ADCY2: variants seen among roughly 807,000 people sequenced by gnomAD.
The protein encoded by ADCY2 is adenylate cyclase type 2.
A neutral mutation model predicts 125.2 loss-of-function variants in ADCY2; 31 were observed. That is an observed-to-expected ratio of 0.25 (90% confidence interval 0.19 to 0.33). The LOEUF is 0.33. Ranked by LOEUF, ADCY2 falls within the 10% of genes least tolerant of loss-of-function variation. The probability of loss-of-function intolerance (pLI) is 1.00; values close to 1 mark genes in which losing one functional copy is unlikely to be tolerated. For missense variants in ADCY2, 904 were observed against 1,418.2 expected, an observed-to-expected ratio of 0.64 and a Z score of 5.82; for synonymous variants, 512 against 548.4, an observed-to-expected ratio of 0.93 and a Z score of 0.93.
At chr5:7,409,446 G>T (rs1739630951) in intron 1 of ADCY2, among the ~76,000 whole-genome samples, 1 of 152,178 alleles carries the variant, frequency 6.6e-6, no homozygotes, top group Admixed American at 6.5e-5. Context: ...AGGTTATTCA[G>T]AATTGTGCTT....
intron 2 of ADCY2, among the ~76,000 whole-genome samples, chr5:7,423,143 G>A (rs1016846795): frequency 1.3e-5 from 2 of 152,202 alleles, no homozygotes; most frequent in Admixed American, 1.3e-4. Flanking sequence ...AGGAGGATAT[G>A]TTTTTGTTGT....
chr5:7,731,866 G>T (rs1356054149), intron 14 of ADCY2, among the ~76,000 whole-genome samples: 2 of 152,198 alleles, frequency 1.3e-5, no homozygotes, highest in East Asian at 3.9e-4. Flanking sequence ...GCCTCCCAAA[G>T]TGTTGGGATT....
intron 12 of ADCY2, among the ~76,000 whole-genome samples, chr5:7,718,779 C>A (rs555102686): frequency 4.6e-5 from 7 of 152,192 alleles, no homozygotes; most frequent in Admixed American, 2.6e-4. Context: ...AACCTCACCT[C>A]TGCCTCAAAC....
intron 14 of ADCY2, among the ~76,000 whole-genome samples, chr5:7,740,079 C>A: frequency 6.7e-6 from 1 of 149,524 alleles, no homozygotes. Flanking sequence ...AAGATTGGGG[C>A]TACAAACCAA....
At chr5:7,596,153 T>C (rs1268073457) in intron 3 of ADCY2, among the ~76,000 whole-genome samples, 2 of 152,166 alleles carry the variant, frequency 1.3e-5, no homozygotes, top group Admixed American at 6.5e-5. Flanking sequence ...TCATAGTTCC[T>C]CTTGCAGGTA....
chr5:7,784,221 A>G, intron 18 of ADCY2, 144 bp from the exon 19 acceptor site: 1 of 610,612 alleles, frequency 1.6e-6, no homozygotes, highest in Non-Finnish European at 2.9e-6. Context: ...TGGGTTTGGA[A>G]GGAGATTTGA....
rs1428783633 is a variant in ADCY2, at chr5:7,784,414, A to G, written c.2434A>G (p.Ile812Val). The change falls in exon 19 of 25, where the codon ATA becomes GTA. Residue 812 changes from isoleucine to valine, a missense_variant. By Grantham distance (29) the Ile-to-Val change is conservative. Transcript: ENST00000338316. ...LKTMGSVSLS[I>V]FFITLLVLGR... ...GACCATGGGCTCTGTGTCTCTCTCT[A>G]TATTCTTCATCACACTGCTTGTTCT... is the stretch of plus-strand genomic sequence containing the variant. The G allele has an allele frequency of 6.2e-7, 1 of 1,613,830 alleles. No individual in the cohort carries two copies. Among genetic ancestry groups the G allele is most frequent in the African/African-American group, 1.3e-5 (1 of 74,906 alleles).
intron 4 of ADCY2, among the ~76,000 whole-genome samples, chr5:7,641,643 A>G (rs1561140435): frequency 1.3e-5 from 2 of 152,188 alleles, no homozygotes; most frequent in Middle Eastern, 3.4e-3. Flanking sequence ...ATAGCACACA[A>G]CAGTTTTTCA....
At chr5:7,653,606 T>TAA (rs1201964121) in intron 4 of ADCY2, among the ~76,000 whole-genome samples, 2 of 140,834 alleles carry the variant, frequency 1.4e-5, no homozygotes, top group Admixed American at 7.1e-5. Context: ...GACTCTGTCT[T>TAA]AAAAAAAAAA....
At chr5:7,541,972 T>C (rs1735011091) in intron 3 of ADCY2, among the ~76,000 whole-genome samples, 1 of 152,242 alleles carries the variant, frequency 6.6e-6, no homozygotes, top group Admixed American at 6.5e-5. Context: ...TTAGTTAGCA[T>C]TGAGCTGACT....
intron 22 of ADCY2, among the ~76,000 whole-genome samples, chr5:7,814,960 A>C (rs1028977730): frequency 4.0e-5 from 6 of 151,560 alleles, no homozygotes; most frequent in African/African-American, 1.5e-4. Context: ...CCCCCGACCC[A>C]TGTCCTAGCC....
At chr5:7,439,020 G>A (rs1196734568) in intron 2 of ADCY2, among the ~76,000 whole-genome samples, 7 of 152,222 alleles carry the variant, frequency 4.6e-5, no homozygotes, top group African/African-American at 1.4e-4. Flanking sequence ...GCTGCAAAAT[G>A]TACCAGTACC....
chr5:7,756,347 T>C (rs986687637), intron 15 of ADCY2, among the ~76,000 whole-genome samples: 5 of 152,134 alleles, frequency 3.3e-5, no homozygotes, highest in African/African-American at 1.2e-4. Context: ...TCCCCAAAGA[T>C]CTCAATTCCT....
At chr5:7,711,841 T>A (rs1410265000) in intron 10 of ADCY2, among the ~76,000 whole-genome samples, 1 of 152,216 alleles carries the variant, frequency 6.6e-6, no homozygotes, top group East Asian at 1.9e-4. Flanking sequence ...TATAGCATAC[T>A]TTAAGAAAGC....
In ADCY2 at chr5:7,457,128, T is replaced by C. The variant is rs73737386; in HGVS notation, c.408+42358T>C. 5.4e-3 allele frequency among the ~76,000 whole-genome samples: 825 copies of C among 152,268 alleles called. 3 individuals are homozygous for C. Among genetic ancestry groups the C allele is most frequent in the African/African-American group, 0.019 (794 of 41,540 alleles). ...CACAGGACAGTTTGAGAACCAAGAA[T>C]GTTGAAATTTTTTACAGAATGTCCC... On this transcript the variant is annotated intron_variant, in intron 2 of 24. Coordinates refer to ENST00000338316, the MANE Select transcript of ADCY2 (RefSeq NM_020546.3).
chr5:7,667,755 T>C (rs763025917), intron 4 of ADCY2, among the ~76,000 whole-genome samples: 1 of 152,216 alleles, frequency 6.6e-6, no homozygotes, highest in Non-Finnish European at 1.5e-5. Context: ...TTGGAAAGGA[T>C]ATTGAAAGTG....
intron 3 of ADCY2, among the ~76,000 whole-genome samples, chr5:7,608,787 C>A (rs962706848): frequency 1.3e-5 from 2 of 152,094 alleles, no homozygotes. Context: ...GGTGCTATGA[C>A]CTCTGTTGAG....
At chr5:7,457,501 A>G in intron 2 of ADCY2, among the ~76,000 whole-genome samples, 1 of 152,130 alleles carries the variant, frequency 6.6e-6, no homozygotes, top group East Asian at 1.9e-4. Flanking sequence ...CTCAGAAGCC[A>G]CCTGTGCTCC....
intron 10 of ADCY2, among the ~76,000 whole-genome samples, chr5:7,710,684 G>T (rs1346776409): frequency 1.3e-5 from 2 of 152,178 alleles, no homozygotes; most frequent in Non-Finnish European, 2.9e-5. Context: ...ATGCACCACG[G>T]TAAATTTTAT....
Sources: gnomAD v4.1 joint callset for allele counts (sites outside exome capture counted in the v4.1 genomes callset) on GRCh38, gnomAD v4.1.1 for gene constraint, MANE v1.5 for transcripts, NCBI Gene and HGNC (gene_info 2026-07-23, HGNC 2026-07-21) for gene names.